IL1RAPL2: variants seen among roughly 807,000 people sequenced by gnomAD.
The protein encoded by IL1RAPL2 is interleukin 1 receptor accessory protein like 2.
IL1RAPL2 carries 3 observed loss-of-function variants against 44.1 expected under a neutral mutation model. The ratio of observed to expected loss-of-function variants is 0.07; its 90% CI spans 0.03 to 0.18. The LOEUF (loss-of-function observed/expected upper bound fraction) is 0.18. Ranked by LOEUF, IL1RAPL2 falls within the 10% of genes least tolerant of loss-of-function variation. IL1RAPL2 has a pLI of 1.00. For synonymous variants in IL1RAPL2, 181 were observed against 178.8 expected (o/e 1.01, Z -0.10); for missense variants, 391 against 496.4 (o/e 0.79, Z 2.02).
At chrX:105,677,675 G>C (rs967760335) in intron 6 of IL1RAPL2, among the ~76,000 whole-genome samples, 1 of 110,922 alleles carries the variant, frequency 9.0e-6, no homozygotes, top group African/African-American at 3.3e-5. Flanking sequence ...GTGGAAGAAG[G>C]GGCTGTCCTC....
chrX:105,023,471 C>T (rs753251966), intron 2 of IL1RAPL2, among the ~76,000 whole-genome samples: 1 of 111,164 alleles, frequency 9.0e-6, no homozygotes, highest in Non-Finnish European at 1.9e-5. Flanking sequence ...TCTGTCTTCT[C>T]TGATATAATC....
chrX:105,211,700 T>C (rs1277587042), intron 3 of IL1RAPL2, among the ~76,000 whole-genome samples: 1 of 110,850 alleles, frequency 9.0e-6, no homozygotes, highest in Non-Finnish European at 1.9e-5. Flanking sequence ...GATGACCGAA[T>C]AGGAACAGCT....
At chrX:105,348,212 T>A (rs1309949609) in intron 5 of IL1RAPL2, among the ~76,000 whole-genome samples, 22 of 111,832 alleles carry the variant, frequency 2.0e-4, no homozygotes, top group African/African-American at 5.8e-4. Context: ...CTACCAGCAC[T>A]TATCTGCACA....
Position 105,080,567 on chromosome X carries a change from A to T in IL1RAPL2, c.83-114908A>T, listed in dbSNP as rs1381476899. Among the ~76,000 whole-genome samples, 3 of 110,483 alleles carry T rather than the reference A, an allele frequency of 2.7e-5. No individual in the cohort carries two copies. The East Asian group carries it at 8.5e-4, about 31-fold the overall frequency. ...TATTTCTGAGGCCTCTGTTCTGTTCATTGGTCTATATACCTGTTTTGGTAC... is the reference window on the plus strand; with the variant it reads ...TATTTCTGAGGCCTCTGTTCTGTTCTTTGGTCTATATACCTGTTTTGGTAC... On this transcript the variant is annotated intron_variant, in intron 2 of 10. Transcript: ENST00000372582.
chrX:105,387,329 G>C (rs376788889), intron 5 of IL1RAPL2, among the ~76,000 whole-genome samples: 3 of 106,923 alleles, frequency 2.8e-5, no homozygotes, highest in East Asian at 6.0e-4. Context: ...CCACCTCCCT[G>C]GTTCAAGTGA....
chrX:105,319,822 T>G (rs1187367343), intron 5 of IL1RAPL2, among the ~76,000 whole-genome samples: 1 of 112,179 alleles, frequency 8.9e-6, no homozygotes, highest in African/African-American at 3.2e-5. Context: ...CATGGGAGTC[T>G]GATCTTGATA....
chrX:104,745,094 G>A (rs559805730), intron 2 of IL1RAPL2, among the ~76,000 whole-genome samples: 2 of 111,079 alleles, frequency 1.8e-5, no homozygotes, highest in African/African-American at 6.5e-5. Context: ...ACCAAAGCTG[G>A]TGTACTTTGG....
chrX:104,592,143 A>ATGTGTGTG (rs1344014844), intron 1 of IL1RAPL2, among the ~76,000 whole-genome samples: 2 of 43,464 alleles, frequency 4.6e-5, no homozygotes, highest in Admixed American at 3.4e-4. Flanking sequence ...TAATGCCCGT[A>ATGTGTGTG]TATGTGTGTG....
chrX:104,699,815 C>T (rs769184463), intron 2 of IL1RAPL2, among the ~76,000 whole-genome samples: 3 of 111,995 alleles, frequency 2.7e-5, no homozygotes, highest in Non-Finnish European at 5.6e-5. Context: ...ACCATCTGGC[C>T]CTTTATAGAA....
intron 2 of IL1RAPL2, among the ~76,000 whole-genome samples, chrX:104,970,701 A>G (rs1035841175): frequency 4.5e-5 from 5 of 111,456 alleles, no homozygotes; most frequent in African/African-American, 1.3e-4. Flanking sequence ...CTATTCTTCA[A>G]TCTGGTCCAG....
chrX:104,613,006 T>C (rs1929195636), intron 1 of IL1RAPL2, among the ~76,000 whole-genome samples: 1 of 111,866 alleles, frequency 8.9e-6, no homozygotes, highest in African/African-American at 3.2e-5. Context: ...TGCTACTTAT[T>C]TTTGTATATT....
chrX:105,468,280 A>C (rs943447756), intron 5 of IL1RAPL2, among the ~76,000 whole-genome samples: 1 of 111,845 alleles, frequency 8.9e-6, no homozygotes, highest in African/African-American at 3.2e-5. Context: ...AAAGGGGTGC[A>C]TATCATTTCC....
intron 6 of IL1RAPL2, among the ~76,000 whole-genome samples, chrX:105,606,611 T>A (rs1367566763): frequency 1.8e-5 from 2 of 111,820 alleles, no homozygotes; most frequent in African/African-American, 6.5e-5. Flanking sequence ...CCCATGTTTA[T>A]TGCAGCACAA....
chrX:105,447,213 A>G lies in IL1RAPL2; in HGVS notation c.698-37100A>G, dbSNP rs1169697952. ...AATATATATAAATATATATAAATATATATAAAATATATATAAATATATATA... is the reference window on the plus strand; with the variant it reads ...AATATATATAAATATATATAAATATGTATAAAATATATATAAATATATATA... On this transcript the variant is annotated intron_variant, in intron 5 of 10. Transcript: ENST00000372582. Among the ~76,000 whole-genome samples, 9 of 1,295 alleles carry G rather than the reference A, an allele frequency of 6.9e-3. 1 individual carries two copies. Among genetic ancestry groups the G allele is most frequent in the Non-Finnish European group, 0.011 (7 of 648 alleles). The allele number at this position is 1,295 out of a possible 115,157, so 1.1% of individuals were successfully genotyped here. A position where few individuals can be genotyped will look rare whatever the true frequency, so the allele number is the denominator to read the frequency against.
intron 6 of IL1RAPL2, among the ~76,000 whole-genome samples, chrX:105,646,930 T>TGGGCCGCTCCCAAGATGGCGGC (rs2037610019): frequency 1.8e-5 from 2 of 112,516 alleles, no homozygotes; most frequent in East Asian, 2.8e-4. Context: ...AAGATGGTGG[T>TGGGCCGCTCCCAAGATGGCGGC]GGGCCGCTCC....
At chrX:104,776,762 C>T (rs760283936) in intron 2 of IL1RAPL2, among the ~76,000 whole-genome samples, 1 of 111,874 alleles carries the variant, frequency 8.9e-6, no homozygotes, top group South Asian at 3.7e-4. Context: ...ACAGAGTTCC[C>T]ATATACCCTA....
chrX:105,186,868 C>A (rs1556134201), intron 2 of IL1RAPL2, among the ~76,000 whole-genome samples: 1 of 111,587 alleles, frequency 9.0e-6, no homozygotes, highest in Non-Finnish European at 1.9e-5. Context: ...TGGCTATTAC[C>A]AAAATGATAA....
At chrX:105,378,519 A>T (rs1435604086) in intron 5 of IL1RAPL2, among the ~76,000 whole-genome samples, 1 of 111,685 alleles carries the variant, frequency 9.0e-6, no homozygotes, top group Non-Finnish European at 1.9e-5. Context: ...AAAGCTAATA[A>T]AATACATTTA....
chrX:104,945,971 A>G lies in IL1RAPL2; in HGVS notation c.83-249504A>G, dbSNP rs1046422922. Among the ~76,000 whole-genome samples, 10 of 110,642 alleles carry G rather than the reference A, an allele frequency of 9.0e-5. No individual in the cohort carries two copies. In the Admixed American group the frequency reaches 9.6e-4, roughly 11 times the overall value. Reference sequence around the variant, plus strand: ...TTTTCAGGATTATAAAAGTAGTCCCATTTTTAAAGAAAAAATCATAAATAT... The same window carrying G: ...TTTTCAGGATTATAAAAGTAGTCCCGTTTTTAAAGAAAAAATCATAAATAT... On this transcript the variant is annotated intron_variant, in intron 2 of 10. Coordinates refer to ENST00000372582, the MANE Select transcript of IL1RAPL2 (RefSeq NM_017416.2).
Sources: allele counts gnomAD v4.1 joint callset (sites outside exome capture counted in the v4.1 genomes callset), GRCh38; gene constraint gnomAD v4.1.1; transcripts MANE v1.5; gene names NCBI Gene and HGNC (gene_info 2026-07-23, HGNC 2026-07-21).